The following ESYT3 variants were observed in gnomAD, a reference collection of about 807,000 sequenced individuals.
ESYT3 encodes extended synaptotagmin 3.
Under a neutral mutation model 111.5 loss-of-function variants are expected in ESYT3, and 101 were observed. The ratio of observed to expected loss-of-function variants is 0.91; its 90% CI spans 0.77 to 1.07. The LOEUF (loss-of-function observed/expected upper bound fraction) is 1.07, where lower values mean the gene tolerates loss of function less well. ESYT3 is among the 50% of genes least tolerant of loss of function. The probability of loss-of-function intolerance (pLI) is 0.00; values close to 1 mark genes in which losing one functional copy is unlikely to be tolerated. For synonymous variants in ESYT3, 416 were observed against 446.8 expected, an observed-to-expected ratio of 0.93 and a Z score of 0.87; for missense variants, 1,097 against 1,109.4, an observed-to-expected ratio of 0.99 and a Z score of 0.16.
intron 1 of ESYT3, among the ~76,000 whole-genome samples, chr3:138,437,156 C>T (rs1160091543): frequency 6.6e-6 from 1 of 152,100 alleles, no homozygotes; most frequent in South Asian, 2.1e-4. Flanking sequence ...TGCTCTCTGT[C>T]CTACCAAGAA....
chr3:138,434,820 G>A lies in ESYT3; in HGVS notation c.22G>A (p.Ala8Thr). 6.4e-7 allele frequency: 1 copy of A among 1,558,064 alleles called. No individual in the cohort carries two copies. The highest frequency in any genetic ancestry group is 8.7e-7 in the Non-Finnish European group (1 of 1,153,344). The change falls in exon 1 of 23, where the codon GCC becomes ACC. Residue 8 changes from alanine (A) to threonine (T), a missense_variant. Transcript: ENST00000389567. Reference sequence around the variant, plus strand: ...CGAGATGCGAGCAGAGGAGCCCTGCGCCCCCGGGGCCCCCAGCGCCCTGGG... The same window carrying A: ...CGAGATGCGAGCAGAGGAGCCCTGCACCCCCGGGGCCCCCAGCGCCCTGGG... MRAEEPC[A>T]PGAPSALGAQ...
chr3:138,473,682 C>G, intron 19 of ESYT3, 48 bp downstream of exon 19: 1 of 1,516,248 alleles, frequency 6.6e-7, no homozygotes, highest in South Asian at 1.1e-5. Flanking sequence ...CATCAGGTGA[C>G]CATAAATCAG....
rs74865013 is a variant in ESYT3 at position 138,468,245 on chromosome 3, G to A, written c.1308+51G>A. ...CTTGCAGAAAGGTGGAGGAGCACAC[G>A]TGCCAGGTGTGTGCAGGTGGAGGAA... On this transcript the variant is annotated intron_variant, in intron 12 of 22. Transcript: ENST00000389567. 1,600 of 1,532,280 alleles carry A rather than the reference G, an allele frequency of 1.0e-3. 10 individuals are homozygous for A. The highest frequency in any genetic ancestry group is 9.8e-3 in the Middle Eastern group (58 of 5,896). 94.9% of individuals were successfully genotyped at this position (1,532,280 alleles called of 1,614,324 possible).
Position 138,470,139 on chromosome 3 carries a change from A to T in ESYT3, c.1583A>T (p.His528Leu), listed in dbSNP as rs190159416. Residue 528 changes from histidine (H) to leucine (L), a missense_variant, in exon 16 of 23, where the codon CAT (histidine) becomes CTT (leucine). His to Leu is a moderately conservative substitution (Grantham distance 99). Transcript: ENST00000389567. ...CACAATGTGGCCACTGAGCGGCTCC[A>T]TCTGAAGGTTTGATGGAAGAAGGGC... ...FVHNVATERL[H>L]LKVLDDDQEC... The T allele has an allele frequency of 2.1e-4, 345 of 1,612,060 alleles. 1 individual carries two copies. The African/African-American group carries it at 4.2e-3, about 20-fold the overall frequency.
In ESYT3 at chr3:138,464,493, C is replaced by T. The variant is rs1371064775; in HGVS notation, c.1064C>T (p.Pro355Leu). Residue 355 changes from proline (P) to leucine (L), a missense_variant, in exon 9 of 23, where the codon CCC becomes CTC. Transcript: ENST00000389567. Reference protein sequence around the residue: ...RSRTIYRNLNPTWNEVFEFMV... With the variant: ...RSRTIYRNLNLTWNEVFEFMV... ...AGGACCATCTACAGGAACCTGAACC[C>T]CACCTGGAACGAAGTGTTTGAGGTA... 1 of 1,613,946 alleles carries T rather than the reference C, an allele frequency of 6.2e-7. No homozygotes were observed. The highest frequency in any genetic ancestry group is 8.5e-7 in the Non-Finnish European group (1 of 1,179,996).
chr3:138,443,897 G>C (rs1278570948), intron 1 of ESYT3, among the ~76,000 whole-genome samples: 1 of 152,102 alleles, frequency 6.6e-6, no homozygotes, highest in Non-Finnish European at 1.5e-5. Context: ...TCTTGTCAAG[G>C]CCTCCCACCC....
rs1282264320 is a variant in ESYT3 at position 138,435,029 on chromosome 3, C to A, written c.231C>A (p.Arg77=). 5 of 1,583,076 alleles carry A rather than the reference C, an allele frequency of 3.2e-6. No individual in the cohort carries two copies. The highest frequency in any genetic ancestry group is 4.3e-6 in the Non-Finnish European group (5 of 1,165,748). Residue 77 remains arginine (R), a synonymous_variant, in exon 1 of 23, where the codon CGC becomes CGA. Transcript: ENST00000389567. This position sits in a 1 kb window ranked among gnomAD's most constrained non-coding sequence, Gnocchi z 4.8. ...GGATGTGGTGGCGCAGGAACCGCCG[C>A]GGGAAGCTTGGGCGCCTGGCCGCCG... ...LLWMWWRRNR[R]GKLGRLAAAF... is the part of the protein sequence containing the mutation.
At chr3:138,459,517 GA>G (rs1342223715) in intron 5 of ESYT3, among the ~76,000 whole-genome samples, 1 of 152,236 alleles carries the variant, frequency 6.6e-6, no homozygotes, top group Non-Finnish European at 1.5e-5. Flanking sequence ...GCCTGGCGAG[GA>G]GAGAGATGGT....
At chr3:138,453,041 A>G (rs565228812) in intron 2 of ESYT3, among the ~76,000 whole-genome samples, 10 of 152,216 alleles carry the variant, frequency 6.6e-5, no homozygotes, top group Admixed American at 1.3e-4. Context: ...CAACATAGCA[A>G]GACTCCATCT....
intron 2 of ESYT3, among the ~76,000 whole-genome samples, chr3:138,452,385 CATTA>C (rs2032001418): frequency 1.3e-5 from 2 of 152,332 alleles, no homozygotes; most frequent in Admixed American, 1.3e-4. Context: ...GAGAGGAAGA[CATTA>C]ATTAGACAAC....
At chr3:138,444,957 C>G (rs963675959) in intron 1 of ESYT3, among the ~76,000 whole-genome samples, 1 of 152,186 alleles carries the variant, frequency 6.6e-6, no homozygotes, top group South Asian at 2.1e-4. Context: ...GCCCTCCAGC[C>G]TGGGGAGCCC....
intron 1 of ESYT3, among the ~76,000 whole-genome samples, chr3:138,439,424 C>G (rs542452549): frequency 6.6e-6 from 1 of 152,118 alleles, no homozygotes; most frequent in Admixed American, 6.5e-5. Context: ...CTGTGCTGCC[C>G]GCGCTAGAGC....
chr3:138,444,925 C>A (rs1475440956), intron 1 of ESYT3, among the ~76,000 whole-genome samples: 1 of 152,202 alleles, frequency 6.6e-6, no homozygotes, highest in Non-Finnish European at 1.5e-5. Context: ...AGAGGAGCCA[C>A]CTTCTTCCAG....
intron 1 of ESYT3, among the ~76,000 whole-genome samples, chr3:138,438,990 T>C (rs1471869196): frequency 6.6e-6 from 1 of 152,220 alleles, no homozygotes; most frequent in African/African-American, 2.4e-5. Flanking sequence ...ATGTGTACTT[T>C]TGAAGGAATT....
At chr3:138,442,576 G>A (rs2031238466) in intron 1 of ESYT3, among the ~76,000 whole-genome samples, 1 of 152,160 alleles carries the variant, frequency 6.6e-6, no homozygotes, top group Non-Finnish European at 1.5e-5. Context: ...TCTTGTCCAT[G>A]GGCTCCTACA....
chr3:138,457,601 A>G lies in ESYT3; in HGVS notation c.538A>G (p.Asn180Asp). The G allele has an allele frequency of 6.2e-7, 1 of 1,614,104 alleles. No individual in the cohort carries two copies. ...GGTCAACGGTGTCAAGGCACACACTAATACGTGCAACCGAAGACGTGTGAC... is the reference window on the plus strand; with the variant it reads ...GGTCAACGGTGTCAAGGCACACACTGATACGTGCAACCGAAGACGTGTGAC... ...PRVNGVKAHT[N>D]TCNRRRVTVD... is the part of the protein sequence containing the mutation. The change falls in exon 4 of 23, where the codon AAT (asparagine) becomes GAT (aspartate). Residue 180 changes from asparagine (N) to aspartate (D), a missense_variant. Physicochemically the swap from Asn to Asp is conservative, Grantham distance 23. Coordinates refer to ENST00000389567, the MANE Select transcript of ESYT3 (RefSeq NM_031913.5).
At position 138,435,162 on chromosome 3, in the gene ESYT3, T is replaced by C. The variant is rs2030556408; in HGVS notation, c.327+37T>C. 2 of 1,509,932 alleles carry C rather than the reference T, an allele frequency of 1.3e-6. No individual in the cohort carries two copies. Among genetic ancestry groups the C allele is most frequent in the African/African-American group, 1.4e-5 (1 of 73,496 alleles). The allele number at this position is 1,509,932 out of a possible 1,614,324, so 93.5% of individuals were successfully genotyped here. On this transcript the variant is annotated intron_variant, in intron 1 of 22. Coordinates refer to ENST00000389567, the MANE Select transcript of ESYT3 (RefSeq NM_031913.5). This position sits in a 1 kb window ranked among gnomAD's most constrained non-coding sequence, Gnocchi z 4.8. ...CGGGTGGGAGTGGGAGGTGGGGAGA[T>C]GCCTTTCGAGGTTCGGAGGAACTTG...
chr3:138,462,157 C>A lies in ESYT3; in HGVS notation c.866C>A (p.Pro289His), dbSNP rs150982830. The A allele has an allele frequency of 1.8e-4, 291 of 1,614,214 alleles. 2 individuals are homozygous for A. In the African/African-American group the frequency reaches 3.5e-3, roughly 20 times the overall value. ...HLVLPNRVTV[P>H]VKKGLDLTNL... ...GTGCTGCCCAACCGTGTGACTGTGC[C>A]TGTGAAGAAGGGGCTGGATCTGACC... is the stretch of plus-strand genomic sequence containing the variant. The change falls in exon 8 of 23, where the codon CCT (proline) becomes CAT (histidine). Residue 289 changes from proline (P) to histidine (H), a missense_variant. Coordinates refer to ENST00000389567, the MANE Select transcript of ESYT3 (RefSeq NM_031913.5).
chr3:138,470,182 G>A (rs1163371915), intron 16 of ESYT3, 36 bp downstream of exon 16: 3 of 1,604,140 alleles, frequency 1.9e-6, no homozygotes, highest in East Asian at 2.3e-5. Flanking sequence ...ACAGAGTTAA[G>A]AGGTTTTTAA....
Sources: gnomAD v4.1 joint callset for allele counts (sites outside exome capture counted in the v4.1 genomes callset) on GRCh38, gnomAD v4.1.1 for gene constraint, Gnocchi (gnomAD v3.1) non-coding constraint, MANE v1.5 for transcripts, NCBI Gene and HGNC (gene_info 2026-07-23, HGNC 2026-07-21) for gene names.